Variants in SCML4 observed in about 807,000 individuals in gnomAD.
The protein encoded by SCML4 is sex comb on midleg-like protein 4.
In SCML4, 34 loss-of-function variants were observed where a neutral mutation model predicts 41.1. The ratio of observed to expected loss-of-function variants is 0.83; its 90% CI spans 0.63 to 1.10. The LOEUF is 1.10. Ranked by LOEUF, SCML4 falls within the 50% of genes least tolerant of loss-of-function variation. The pLI is 0.00. For missense variants in SCML4, 522 were observed against 534.1 expected, an observed-to-expected ratio of 0.98 and a Z score of 0.22; for synonymous variants, 214 against 220.9, an observed-to-expected ratio of 0.97 and a Z score of 0.28.
At chr6:107,777,187 G>A (rs1421932914) in intron 1 of SCML4, among the ~76,000 whole-genome samples, 2 of 152,146 alleles carry the variant, frequency 1.3e-5, no homozygotes, top group Non-Finnish European at 2.9e-5. Context: ...GCACAATCTC[G>A]GCTCGCTGCA....
At chr6:107,775,265 A>G (rs1295904546) in intron 1 of SCML4, among the ~76,000 whole-genome samples, 1 of 152,124 alleles carries the variant, frequency 6.6e-6, no homozygotes, top group Non-Finnish European at 1.5e-5. Context: ...TTCCCCCTCT[A>G]GTCCATGCCT....
At chr6:107,736,115 G>T (rs1777045102) in intron 5 of SCML4, among the ~76,000 whole-genome samples, 1 of 152,180 alleles carries the variant, frequency 6.6e-6, no homozygotes, top group Non-Finnish European at 1.5e-5. Flanking sequence ...CCCCGTGGTT[G>T]TCATCCAGCC....
At chr6:107,747,846 G>A (rs1282206554) in intron 3 of SCML4, among the ~76,000 whole-genome samples, 2 of 152,144 alleles carry the variant, frequency 1.3e-5, no homozygotes, top group Non-Finnish European at 2.9e-5. Flanking sequence ...TTCAGACCTA[G>A]TTTATACAAG....
At chr6:107,839,345 GAAAGAAAGAAAGAAAGAAAGAAGGAA>G in the SCML4 span, among the ~76,000 whole-genome samples, 58 of 53,496 alleles carry the variant, frequency 1.1e-3, no homozygotes, top group Admixed American at 2.2e-3. Flanking sequence ...GAGAGAAAAA[GAAAGAAAGAAAGAAAGAAAGAAGGAA>G]AGAAAGAAAG....
intron 5 of SCML4, among the ~76,000 whole-genome samples, chr6:107,721,496 C>A (rs1233442371): frequency 6.6e-6 from 1 of 150,578 alleles, no homozygotes; most frequent in East Asian, 2.0e-4. Context: ...ACCCGGGAGG[C>A]AGAGGTTGCA....
intron 2 of SCML4, among the ~76,000 whole-genome samples, chr6:107,760,262 A>G (rs1218959733): frequency 6.6e-6 from 1 of 152,214 alleles, no homozygotes; most frequent in Non-Finnish European, 1.5e-5. Flanking sequence ...TAAATGCAAA[A>G]ATGATTAAAA....
At chr6:107,800,940 T>C (rs1783072545) in intron 1 of SCML4, among the ~76,000 whole-genome samples, 1 of 152,232 alleles carries the variant, frequency 6.6e-6, no homozygotes, top group South Asian at 2.1e-4. Flanking sequence ...TCAGTCAACT[T>C]GCCCTGTCCA....
chr6:107,831,337 C>A, the SCML4 span, among the ~76,000 whole-genome samples: 1 of 124,320 alleles, frequency 8.0e-6, no homozygotes, highest in Non-Finnish European at 1.6e-5. Flanking sequence ...AACAAAAAAG[C>A]AAGAATACAA....
At chr6:107,753,279 A>T (rs1036310645) in intron 2 of SCML4, among the ~76,000 whole-genome samples, 19 of 149,964 alleles carry the variant, frequency 1.3e-4, no homozygotes, top group East Asian at 6.6e-4. Context: ...GGCAGTTTTT[A>T]AAAAAAATTA....
At chr6:107,751,272 A>C (rs2114511210) in intron 2 of SCML4, among the ~76,000 whole-genome samples, 1 of 152,304 alleles carries the variant, frequency 6.6e-6, no homozygotes, top group African/African-American at 2.4e-5. Context: ...GACATTTTTA[A>C]ATAAGGAGGT....
At chr6:107,842,762 T>C in the SCML4 span, among the ~76,000 whole-genome samples, 1 of 152,240 alleles carries the variant, frequency 6.6e-6, no homozygotes, top group Non-Finnish European at 1.5e-5. Context: ...AATTTCCATC[T>C]GTAAATGTGA....
chr6:107,726,135 G>A (rs1054192326), intron 5 of SCML4, among the ~76,000 whole-genome samples: 4 of 151,664 alleles, frequency 2.6e-5, no homozygotes, highest in African/African-American at 9.7e-5. Flanking sequence ...ACAAATTGGG[G>A]GAAAATACCT....
At chr6:107,823,393 T>C (rs576671202) in intron 1 of SCML4, among the ~76,000 whole-genome samples, 1 of 152,172 alleles carries the variant, frequency 6.6e-6, no homozygotes, top group Non-Finnish European at 1.5e-5. Context: ...CCCCTCATGC[T>C]TTGGGAGGAG....
chr6:107,833,331 G>T, the SCML4 span, among the ~76,000 whole-genome samples: 1 of 152,174 alleles, frequency 6.6e-6, no homozygotes, highest in African/African-American at 2.4e-5. Flanking sequence ...TTGGGTAGGG[G>T]TTAAGAGCCG....
Position 107,772,370 on chromosome 6 carries a change from C to T in SCML4, c.-43G>A. On this transcript the variant is annotated 5_prime_UTR_variant, in exon 2 of 8. Transcript: ENST00000369020. The stretch of plus-strand genomic sequence containing the variant: ...TTACAGAATGAGGTGACAAATCGCT[C>T]ACAGGCAGAAGAGGTGCTAAGAATT... 6.5e-7 allele frequency: 1 copy of T among 1,527,794 alleles called. No homozygotes were observed. Among genetic ancestry groups the T allele is most frequent in the Non-Finnish European group, 8.8e-7 (1 of 1,134,774 alleles). The allele number at this position is 1,527,794 out of a possible 1,614,324, so 94.6% of individuals were successfully genotyped here.
rs117667491 is a variant in SCML4, at chr6:107,756,434, C to G, written c.157-6621G>C. On this transcript the variant is annotated intron_variant, in intron 2 of 7. Coordinates refer to ENST00000369020, the MANE Select transcript of SCML4 (RefSeq NM_198081.5). ...AATTGCAGAACACTTTACAAAATAC[C>G]CAACCAGTACTCCTCAAAACTGCCA... Among the ~76,000 whole-genome samples, 203 of 152,146 alleles carry G rather than the reference C, an allele frequency of 1.3e-3. 1 individual carries two copies. In the East Asian group the frequency reaches 0.027, roughly 20 times the overall value.
intron 5 of SCML4, among the ~76,000 whole-genome samples, chr6:107,739,504 T>C (rs1180798806): frequency 6.6e-6 from 1 of 152,196 alleles, no homozygotes; most frequent in African/African-American, 2.4e-5. Context: ...TTTAGGTGCA[T>C]GGCACCAATC....
At chr6:107,734,965 T>TCCTCCCTCAG (rs1293989600) in intron 5 of SCML4, among the ~76,000 whole-genome samples, 1 of 152,128 alleles carries the variant, frequency 6.6e-6, no homozygotes, top group African/African-American at 2.4e-5. Context: ...AACCTCCACC[T>TCCTCCCTCAG]CCTGGGTTCA....
intron 1 of SCML4, among the ~76,000 whole-genome samples, chr6:107,772,981 CA>C (rs1171492905): frequency 6.6e-6 from 1 of 152,010 alleles, no homozygotes; most frequent in East Asian, 1.9e-4. Flanking sequence ...TTTAGAATTG[CA>C]AAATTAAAAT....
Sources: allele counts gnomAD v4.1 joint callset (sites outside exome capture counted in the v4.1 genomes callset), GRCh38; gene constraint gnomAD v4.1.1; transcripts MANE v1.5; gene names NCBI Gene and HGNC (gene_info 2026-07-23, HGNC 2026-07-21).